The following POFUT3 variants were observed in gnomAD, a reference collection of about 807,000 sequenced individuals.
POFUT3 encodes the protein protein O-fucosyltransferase 3.
the POFUT3 span, chr8:33,436,488 C>T: frequency 5.6e-5 from 76 of 1,356,612 alleles, no homozygotes; most frequent in African/African-American, 9.2e-4. Flanking sequence ...TGCTCTCATT[C>T]GTGCTGGCTT....
At chr8:33,463,816 T>C in the POFUT3 span, among the ~76,000 whole-genome samples, 1 of 152,176 alleles carries the variant, frequency 6.6e-6, no homozygotes, top group Non-Finnish European at 1.5e-5. Flanking sequence ...CCTCCCAAAG[T>C]GCTGGGATTA....
the POFUT3 span, among the ~76,000 whole-genome samples, chr8:33,411,440 T>C: frequency 2.6e-5 from 4 of 152,370 alleles, no homozygotes; most frequent in East Asian, 7.7e-4. Context: ...ATGGCACCAT[T>C]AGTTCCTAAG....
the POFUT3 span, among the ~76,000 whole-genome samples, chr8:33,386,006 G>A: frequency 6.6e-6 from 1 of 151,754 alleles, no homozygotes; most frequent in Non-Finnish European, 1.5e-5. Flanking sequence ...TGGTCAACAT[G>A]GCGGAAACTC....
chr8:33,423,500 G>A, the POFUT3 span, among the ~76,000 whole-genome samples: 2 of 151,950 alleles, frequency 1.3e-5, no homozygotes, highest in Non-Finnish European at 2.9e-5. Flanking sequence ...GAACTCCTGG[G>A]CTTAAGTGAT....
At chr8:33,453,275 A>C in the POFUT3 span, 2 of 1,614,214 alleles carry the variant, frequency 1.2e-6, no homozygotes, top group Non-Finnish European at 1.7e-6. Flanking sequence ...GATGGTGAAG[A>C]AACAAGCATC....
chr8:33,404,681 T>C, the POFUT3 span, among the ~76,000 whole-genome samples: 1 of 151,560 alleles, frequency 6.6e-6, no homozygotes, highest in Non-Finnish European at 1.5e-5. Flanking sequence ...GCAGGTCTCA[T>C]CACATTTGGA....
chr8:33,356,247 A>C, the POFUT3 span, among the ~76,000 whole-genome samples: 45,379 of 151,908 alleles, frequency 0.3, 7,911 homozygotes, highest in South Asian at 0.51. Flanking sequence ...GAATCGCCAC[A>C]CTCACTTCCA....
the POFUT3 span, among the ~76,000 whole-genome samples, chr8:33,316,188 C>A: frequency 6.6e-6 from 1 of 152,032 alleles, no homozygotes; most frequent in Non-Finnish European, 1.5e-5. Context: ...GTAGGTAACC[C>A]TTTGAAGTGG....
chr8:33,460,639 G>T, the POFUT3 span: 1 of 730,318 alleles, frequency 1.4e-6, no homozygotes, highest in Non-Finnish European at 1.7e-6. Flanking sequence ...ATCCAATTTT[G>T]ACCCAGGAAG....
chr8:33,470,951 C>T, the POFUT3 span, among the ~76,000 whole-genome samples: 17 of 151,804 alleles, frequency 1.1e-4, no homozygotes, highest in South Asian at 2.3e-3. Flanking sequence ...GTAAGATTTC[C>T]GGAAATTTTT....
chr8:33,460,737 G>A, the POFUT3 span: 1 of 985,132 alleles, frequency 1.0e-6, no homozygotes. Context: ...CTTTGTTTCT[G>A]CCTGACACGT....
the POFUT3 span, among the ~76,000 whole-genome samples, chr8:33,359,793 G>A: frequency 1.3e-5 from 2 of 151,818 alleles, no homozygotes; most frequent in African/African-American, 2.4e-5. Context: ...ATCACCTGAG[G>A]TCAGGAGTTT....
chr8:33,389,042 A>G, the POFUT3 span: 1 of 1,614,130 alleles, frequency 6.2e-7, no homozygotes, highest in Non-Finnish European at 8.5e-7. Context: ...GTCCTGGTTG[A>G]CGTCTTGCAC....
chr8:33,312,350 G>C, the POFUT3 span, among the ~76,000 whole-genome samples: 4 of 152,030 alleles, frequency 2.6e-5, no homozygotes, highest in African/African-American at 9.7e-5. Context: ...CAGAGGCAGA[G>C]ATGGCAGTGA....
the POFUT3 span, among the ~76,000 whole-genome samples, chr8:33,470,696 G>GA: frequency 6.6e-6 from 1 of 152,010 alleles, no homozygotes; most frequent in South Asian, 2.1e-4. Context: ...CTGCAGACTA[G>GA]AAAAAACAAA....
chr8:33,430,022 C>T, the POFUT3 span, among the ~76,000 whole-genome samples: 1 of 150,780 alleles, frequency 6.6e-6, no homozygotes. Context: ...AGAAAGACTC[C>T]AGTTTATATG....
chr8:33,437,322 C>T, the POFUT3 span, among the ~76,000 whole-genome samples: 1 of 151,912 alleles, frequency 6.6e-6, no homozygotes, highest in Non-Finnish European at 1.5e-5. Context: ...AGCTCGAACT[C>T]CCCTAGCTAA....
the POFUT3 span, among the ~76,000 whole-genome samples, chr8:33,393,977 T>C: frequency 1.3e-5 from 2 of 151,470 alleles, no homozygotes; most frequent in African/African-American, 4.9e-5. Context: ...AGCCCAGGAG[T>C]TCAAGGCCAA....
chr8:33,470,236 C>CAAAAAAAAAAAAAAAA, the POFUT3 span, among the ~76,000 whole-genome samples: 6 of 89,114 alleles, frequency 6.7e-5, 1 homozygote, highest in African/African-American at 2.7e-4. Context: ...CCCATCTCTA[C>CAAAAAAAAAAAAAAAA]AAAAAAAAAA....
Sources: allele counts gnomAD v4.1 joint callset (sites outside exome capture counted in the v4.1 genomes callset), GRCh38; gene constraint gnomAD v4.1.1; transcripts MANE v1.5; gene names NCBI Gene and HGNC (gene_info 2026-07-23, HGNC 2026-07-21).